The following CFAP20DC variants were observed in gnomAD, a reference collection of about 807,000 sequenced individuals.
The protein encoded by CFAP20DC is protein CFAP20DC.
In CFAP20DC, 84 loss-of-function variants were observed where a neutral mutation model predicts 101.7. That is an observed-to-expected ratio of 0.83 (90% CI 0.69 to 0.99). CFAP20DC has a LOEUF of 0.99. Among genes scored for constraint, CFAP20DC ranks in the 50% least tolerant of loss-of-function variants. CFAP20DC has a pLI of 0.00. For synonymous variants in CFAP20DC, 359 were observed against 351.2 expected (o/e 1.02, Z -0.25); for missense variants, 1,007 against 970.3 (o/e 1.04, Z -0.50).
chr3:58,928,218 G>C (rs1353786783), intron 5 of CFAP20DC, among the ~76,000 whole-genome samples: 2 of 152,184 alleles, frequency 1.3e-5, no homozygotes, highest in Admixed American at 1.3e-4. Context: ...GGGGAAAACA[G>C]ACAAGTAAAT....
chr3:59,046,192 C>A, intron 3 of CFAP20DC, 37 bp downstream of exon 3: 1 of 1,378,282 alleles, frequency 7.3e-7, no homozygotes, highest in East Asian at 2.5e-5. Flanking sequence ...ACTTTGAGTA[C>A]AAAATGTTAA....
chr3:59,032,500 G>A (rs911051522), intron 4 of CFAP20DC, among the ~76,000 whole-genome samples: 1 of 152,082 alleles, frequency 6.6e-6, no homozygotes, highest in Admixed American at 6.5e-5. Context: ...TGGAACACTC[G>A]AGCTTGGTGG....
At chr3:58,903,806 C>A (rs1192647169) in intron 6 of CFAP20DC, among the ~76,000 whole-genome samples, 2 of 152,178 alleles carry the variant, frequency 1.3e-5, no homozygotes, top group Non-Finnish European at 2.9e-5. Flanking sequence ...TGGGTGGGGA[C>A]ACAGCCAAAC....
chr3:58,951,595 A>C (rs1042787460), intron 4 of CFAP20DC, among the ~76,000 whole-genome samples: 1 of 152,222 alleles, frequency 6.6e-6, no homozygotes, highest in African/African-American at 2.4e-5. Flanking sequence ...TGAAGAGTTC[A>C]TGTCATTTGT....
Position 58,864,368 on chromosome 3 carries a change from T to A in CFAP20DC, c.1259-476A>T, listed in dbSNP as rs1196758156. Reference sequence around the variant, plus strand: ...ATTTATAGACCATCTTGTAACCTGCTAAACACTCAACCCATACATCAGTGC... The same window carrying A: ...ATTTATAGACCATCTTGTAACCTGCAAAACACTCAACCCATACATCAGTGC... On this transcript the variant is annotated intron_variant, in intron 11 of 16. Transcript: ENST00000482387. This position sits in a 1 kb window ranked among gnomAD's most constrained non-coding sequence, Gnocchi z 4.7. 2.0e-5 allele frequency among the ~76,000 whole-genome samples: 3 copies of A among 152,192 alleles called. No homozygotes were observed. The highest frequency in any genetic ancestry group is 7.2e-5 in the African/African-American group (3 of 41,452).
intron 15 of CFAP20DC, among the ~76,000 whole-genome samples, chr3:58,759,367 C>T (rs1255167710): frequency 6.6e-6 from 1 of 152,096 alleles, no homozygotes; most frequent in African/African-American, 2.4e-5. Context: ...TATCCTTCAC[C>T]CACTTGTTGA....
chr3:58,816,988 C>T (rs974424808), intron 14 of CFAP20DC, among the ~76,000 whole-genome samples: 34 of 152,258 alleles, frequency 2.2e-4, no homozygotes, highest in African/African-American at 7.7e-4. Flanking sequence ...GGCCCCTGAC[C>T]CCCGAGCAGC....
At chr3:58,814,477 AT>A (rs2107819560) in intron 14 of CFAP20DC, among the ~76,000 whole-genome samples, 1 of 151,354 alleles carries the variant, frequency 6.6e-6, no homozygotes, top group South Asian at 2.1e-4. Flanking sequence ...CACCACTCCT[AT>A]TCAACATAGT....
rs2067468538 is a variant in CFAP20DC at position 58,721,234 on chromosome 3, A to G, written c.198-3606T>C. Among the ~76,000 whole-genome samples the G allele has an allele frequency of 6.6e-6, 1 of 152,132 alleles. No homozygotes were observed. Among genetic ancestry groups the G allele is most frequent in the South Asian group, 2.1e-4 (1 of 4,826 alleles). Reference sequence around the variant, plus strand: ...GATAGGAGGTACTCAATCACTATATAAATATGTTCCAACACGTTTATTAAA... The same window carrying G: ...GATAGGAGGTACTCAATCACTATATGAATATGTTCCAACACGTTTATTAAA... On this transcript the variant is annotated intron_variant, in intron 3 of 3. Coordinates refer to the CFAP20DC transcript ENST00000486145. The surrounding 1 kb of genome is among the most constrained non-coding windows in gnomAD (Gnocchi z 5.2).
rs1219745055 is a variant in CFAP20DC, at chr3:59,002,774, A to C, written c.278+36783T>G. ...TATTTTAAGTAAATATAAAAAAGAG[A>C]GCATTTGTGACCTTCTTTTAACAAG... On this transcript the variant is annotated intron_variant, in intron 4 of 16. Transcript: ENST00000482387. The surrounding 1 kb of genome is among the most constrained non-coding windows in gnomAD (Gnocchi z 4.5). Among the ~76,000 whole-genome samples the C allele has an allele frequency of 6.6e-6, 1 of 152,160 alleles. No homozygotes were observed. The highest frequency in any genetic ancestry group is 1.5e-5 in the Non-Finnish European group (1 of 68,034).
intron 4 of CFAP20DC, among the ~76,000 whole-genome samples, chr3:58,953,158 G>A (rs1576464401): frequency 6.6e-6 from 1 of 152,192 alleles, no homozygotes; most frequent in Non-Finnish European, 1.5e-5. Flanking sequence ...GAGCGAAGTA[G>A]AGGTAGGAAC....
At chr3:58,983,343 G>T (rs1352532302) in intron 4 of CFAP20DC, among the ~76,000 whole-genome samples, 1 of 152,032 alleles carries the variant, frequency 6.6e-6, no homozygotes, top group Admixed American at 6.6e-5. Context: ...CTACTTTTTT[G>T]TCATTTTAAT....
chr3:59,029,427 G>A (rs1238891892), intron 4 of CFAP20DC, among the ~76,000 whole-genome samples: 7 of 152,142 alleles, frequency 4.6e-5, no homozygotes, highest in African/African-American at 1.7e-4. Context: ...CTGAAGAAGG[G>A]ACACTTAAGC....
Position 58,863,662 on chromosome 3 carries a change from G to A in CFAP20DC, c.1489C>T (p.Pro497Ser). The A allele has an allele frequency of 6.2e-7, 1 of 1,614,082 alleles. No homozygotes were observed. Among genetic ancestry groups the A allele is most frequent in the Non-Finnish European group, 8.5e-7 (1 of 1,180,018 alleles). The change falls in exon 12 of 17, where the codon CCA (proline) becomes TCA (serine). Residue 497 changes from proline to serine, a missense_variant. By Grantham distance (74) the Pro-to-Ser change is moderately conservative. Coordinates refer to ENST00000482387, the MANE Select transcript of CFAP20DC (RefSeq NM_001394063.1). This position sits in a 1 kb window ranked among gnomAD's most constrained non-coding sequence, Gnocchi z 5.9. ...TCCAAAATAAATGAGAGCTCCTCTG[G>A]GGACATAGTCTGAGTCTTTCCATGA... ...APHGKTQTMS[P>S]EELSFILDLK...
At chr3:58,843,450 G>A (rs1241713260) in intron 13 of CFAP20DC, among the ~76,000 whole-genome samples, 1 of 151,526 alleles carries the variant, frequency 6.6e-6, no homozygotes, top group East Asian at 1.9e-4. Context: ...AAGCGAGAAG[G>A]GAAGTTTAGA....
chr3:58,928,689 G>A (rs1213299021), intron 5 of CFAP20DC, among the ~76,000 whole-genome samples: 2 of 152,154 alleles, frequency 1.3e-5, no homozygotes, highest in African/African-American at 4.8e-5. Context: ...ATGGGCCTGA[G>A]GAGAACACTA....
At chr3:58,776,637 T>C (rs1028579730) in intron 15 of CFAP20DC, among the ~76,000 whole-genome samples, 3 of 150,384 alleles carry the variant, frequency 2.0e-5, no homozygotes, top group African/African-American at 7.4e-5. Context: ...AACTACTCAT[T>C]TCCCAGGTAT....
chr3:58,922,256 C>T (rs1251431640), intron 5 of CFAP20DC, among the ~76,000 whole-genome samples: 1 of 152,116 alleles, frequency 6.6e-6, no homozygotes, highest in Non-Finnish European at 1.5e-5. Context: ...CAATTTGTCC[C>T]ATCTGTTCTT....
chr3:58,746,993 A>G (rs1329560042), intron 16 of CFAP20DC, among the ~76,000 whole-genome samples: 2 of 152,130 alleles, frequency 1.3e-5, no homozygotes, highest in African/African-American at 2.4e-5. Flanking sequence ...GTATGGGGTA[A>G]TTTTCAATTA....
Sources: allele counts gnomAD v4.1 joint callset (sites outside exome capture counted in the v4.1 genomes callset), GRCh38; gene constraint gnomAD v4.1.1; non-coding constraint Gnocchi (gnomAD v3.1); transcripts MANE v1.5; gene names NCBI Gene and HGNC (gene_info 2026-07-23, HGNC 2026-07-21).